The following ADAMTSL1 variants were observed in gnomAD, a reference collection of about 807,000 sequenced individuals.
The protein encoded by ADAMTSL1 is ADAMTS like 1, also known as ADAMTS-like protein 1.
In ADAMTSL1, 126 loss-of-function variants were observed where a neutral mutation model predicts 201.8. The observed-to-expected ratio is 0.62, with a 90% CI of 0.54 to 0.72. The LOEUF (loss-of-function observed/expected upper bound fraction) is 0.72. ADAMTSL1 is among the 30% of genes least tolerant of loss of function. ADAMTSL1 has a pLI of 0.00. For missense variants in ADAMTSL1, 2,679 were observed against 2,277.8 expected, an observed-to-expected ratio of 1.18 and a Z score of -3.59; for synonymous variants, 1,121 against 903.4, an observed-to-expected ratio of 1.24 and a Z score of -4.32.
chr9:18,413,744 A>G (rs368847227), intron 2 of ADAMTSL1, among the ~76,000 whole-genome samples: 2 of 152,114 alleles, frequency 1.3e-5, no homozygotes, highest in East Asian at 3.9e-4. Flanking sequence ...TGTAGCTTCA[A>G]AGTCTTGGTT....
chr9:18,255,331 AT>A (rs1831642380), intron 2 of ADAMTSL1, among the ~76,000 whole-genome samples: 1 of 151,898 alleles, frequency 6.6e-6, no homozygotes, highest in South Asian at 2.1e-4. Flanking sequence ...GCATCTTTAA[AT>A]CATGTGTGTA....
At chr9:18,653,358 C>A (rs1828416505) in intron 7 of ADAMTSL1, among the ~76,000 whole-genome samples, 1 of 152,198 alleles carries the variant, frequency 6.6e-6, no homozygotes, top group Non-Finnish European at 1.5e-5. Flanking sequence ...CACTCAGTAT[C>A]TCCTTCCTGA....
At chr9:17,919,187 G>T (rs142734264) in intron 1 of ADAMTSL1, among the ~76,000 whole-genome samples, 3 of 150,506 alleles carry the variant, frequency 2.0e-5, no homozygotes, top group Admixed American at 6.6e-5. Context: ...TCAATGATAA[G>T]TATTAATATG....
intron 2 of ADAMTSL1, among the ~76,000 whole-genome samples, chr9:18,174,942 T>C (rs543927058): frequency 6.6e-6 from 1 of 152,340 alleles, no homozygotes; most frequent in East Asian, 1.9e-4. Flanking sequence ...TTCAACTTGA[T>C]GTTGACAAGG....
chr9:18,721,084 A>C (rs189428698), intron 14 of ADAMTSL1, among the ~76,000 whole-genome samples: 6 of 152,380 alleles, frequency 3.9e-5, no homozygotes, highest in Middle Eastern at 3.4e-3. Flanking sequence ...AGCAGTTTAC[A>C]GAATTCTGGA....
At chr9:18,082,273 A>G (rs1823533138) in intron 1 of ADAMTSL1, among the ~76,000 whole-genome samples, 1 of 152,186 alleles carries the variant, frequency 6.6e-6, no homozygotes, top group Admixed American at 6.5e-5. Flanking sequence ...TAGAAAATGT[A>G]AACTACAGTG....
chr9:18,388,923 A>C (rs541438988), intron 2 of ADAMTSL1, among the ~76,000 whole-genome samples: 1 of 151,846 alleles, frequency 6.6e-6, no homozygotes, highest in Non-Finnish European at 1.5e-5. Context: ...CACCCGGCTA[A>C]TTTTTGTACT....
chr9:18,141,651 C>CCT (rs1251764688), intron 1 of ADAMTSL1, among the ~76,000 whole-genome samples: 1 of 152,042 alleles, frequency 6.6e-6, no homozygotes, highest in Non-Finnish European at 1.5e-5. Context: ...TGTGGCAGCC[C>CCT]CTCTCTCACT....
At position 18,702,829 on chromosome 9, in the gene ADAMTSL1, C is replaced by G. The variant is rs961268796; in HGVS notation, c.1575-3918C>G. ...CCAGGCTGGAGTGCGGTGGCACGAT[C>G]TTGGCTCACTGCAACCTCCACCTCC... On this transcript the variant is annotated intron_variant, in intron 13 of 28. Transcript: ENST00000380548. Among the ~76,000 whole-genome samples, 6 of 151,910 alleles carry G rather than the reference C, an allele frequency of 3.9e-5. No homozygotes were observed. The East Asian group carries it at 1.2e-3, about 29-fold the overall frequency.
intron 15 of ADAMTSL1, among the ~76,000 whole-genome samples, chr9:18,730,089 G>A (rs189737049): frequency 6.6e-6 from 1 of 151,968 alleles, no homozygotes; most frequent in East Asian, 1.9e-4. Flanking sequence ...AAGTCCTAAG[G>A]TAACAATTTA....
At chr9:18,091,768 A>G (rs993294917) in intron 1 of ADAMTSL1, among the ~76,000 whole-genome samples, 2 of 152,176 alleles carry the variant, frequency 1.3e-5, no homozygotes, top group Non-Finnish European at 2.9e-5. Context: ...AAGGGGCATT[A>G]TAATTATTAA....
intron 7 of ADAMTSL1, among the ~76,000 whole-genome samples, chr9:18,651,997 C>T (rs571102924): frequency 1.3e-5 from 2 of 151,932 alleles, no homozygotes; most frequent in South Asian, 4.2e-4. Flanking sequence ...CCTCTCCTAG[C>T]TTATAATGTC....
intron 3 of ADAMTSL1, among the ~76,000 whole-genome samples, chr9:18,573,098 C>T (rs1326883465): frequency 6.6e-6 from 1 of 152,088 alleles, no homozygotes; most frequent in Admixed American, 6.5e-5. Context: ...CTTTATGAAA[C>T]TTACATCAAA....
chr9:18,536,003 G>GCTTAAAATCCATAGCACT (rs1459463330), intron 3 of ADAMTSL1, among the ~76,000 whole-genome samples: 10 of 152,182 alleles, frequency 6.6e-5, no homozygotes, highest in African/African-American at 2.2e-4. Context: ...CACTCCATGA[G>GCTTAAAATCCATAGCACT]CCAAAATCTT....
chr9:18,648,417 TG>T (rs1827964491), intron 7 of ADAMTSL1, among the ~76,000 whole-genome samples: 1 of 152,314 alleles, frequency 6.6e-6, no homozygotes, highest in African/African-American at 2.4e-5. Flanking sequence ...TGTATGACTT[TG>T]ATCCTGTCAT....
intron 9 of ADAMTSL1, among the ~76,000 whole-genome samples, chr9:18,675,462 A>C (rs1455552814): frequency 6.6e-6 from 1 of 152,174 alleles, no homozygotes. Flanking sequence ...AGTTACTGTA[A>C]TTGCTTGGCG....
chr9:18,718,521 C>T (rs1763606126), intron 14 of ADAMTSL1: 3 of 536,402 alleles, frequency 5.6e-6, no homozygotes, highest in African/African-American at 1.9e-5. Flanking sequence ...AGCTTATACT[C>T]ATGCATGATG....
intron 24 of ADAMTSL1, among the ~76,000 whole-genome samples, chr9:18,888,758 G>A (rs1829058434): frequency 6.6e-6 from 1 of 152,154 alleles, no homozygotes; most frequent in African/African-American, 2.4e-5. Flanking sequence ...TGATGGGAAG[G>A]GACAGAGTTT....
At chr9:18,490,180 G>T (rs1443664937) in intron 1 of ADAMTSL1, among the ~76,000 whole-genome samples, 1 of 152,142 alleles carries the variant, frequency 6.6e-6, no homozygotes, top group Non-Finnish European at 1.5e-5. Flanking sequence ...AACTGGCCTG[G>T]CCAGAGCTGG....
Sources: gnomAD v4.1 joint callset for allele counts (sites outside exome capture counted in the v4.1 genomes callset) on GRCh38, gnomAD v4.1.1 for gene constraint, MANE v1.5 for transcripts, NCBI Gene and HGNC (gene_info 2026-07-23, HGNC 2026-07-21) for gene names.